Variants in PCDH9 observed in about 807,000 individuals in gnomAD.
PCDH9 encodes protocadherin 9.
A neutral mutation model predicts 70.6 loss-of-function variants in PCDH9; 24 were observed. The ratio of observed to expected loss-of-function variants is 0.34; its 90% CI spans 0.25 to 0.48. The LOEUF (loss-of-function observed/expected upper bound fraction) is 0.48. PCDH9 is among the 20% of genes least tolerant of loss of function. The pLI is 0.99. For synonymous variants in PCDH9, 562 were observed against 558.5 expected, an observed-to-expected ratio of 1.01 and a Z score of -0.09; for missense variants, 1,281 against 1,503.6, an observed-to-expected ratio of 0.85 and a Z score of 2.45.
intron 3 of PCDH9, among the ~76,000 whole-genome samples, chr13:66,662,984 A>G (rs1351130458): frequency 6.6e-6 from 1 of 152,220 alleles, no homozygotes; most frequent in Non-Finnish European, 1.5e-5. Context: ...AACAGTGTAT[A>G]TATGATGCTA....
chr13:66,631,512 T>C (rs1307020983), intron 3 of PCDH9, 101 bp from the exon 4 acceptor site: 1 of 683,162 alleles, frequency 1.5e-6, no homozygotes, highest in Non-Finnish European at 2.5e-6. Context: ...TAACACAATG[T>C]AAAAGCAAAA....
chr13:66,682,237 G>C (rs574935477), intron 3 of PCDH9, among the ~76,000 whole-genome samples: 1 of 151,664 alleles, frequency 6.6e-6, no homozygotes, highest in Non-Finnish European at 1.5e-5. Flanking sequence ...TTTATGTATT[G>C]TGGCCCTTTA....
At chr13:67,024,485 CATA>C (rs1350886426) in intron 2 of PCDH9, among the ~76,000 whole-genome samples, 2 of 152,118 alleles carry the variant, frequency 1.3e-5, no homozygotes, top group South Asian at 2.1e-4. Context: ...AAACTTATCA[CATA>C]ATAAATTATA....
intron 3 of PCDH9, among the ~76,000 whole-genome samples, chr13:66,724,320 T>A (rs926346396): frequency 1.3e-5 from 2 of 152,126 alleles, no homozygotes; most frequent in African/African-American, 4.8e-5. Context: ...ATGGAAAATA[T>A]GAAAAAGCAT....
At chr13:66,701,743 ATTTC>A (rs2078650743) in intron 3 of PCDH9, among the ~76,000 whole-genome samples, 1 of 151,976 alleles carries the variant, frequency 6.6e-6, no homozygotes, top group African/African-American at 2.4e-5. Context: ...GTTGAATTTT[ATTTC>A]TTTAATATTT....
chr13:66,557,538 A>T (rs1406177005), intron 4 of PCDH9, among the ~76,000 whole-genome samples: 1 of 152,226 alleles, frequency 6.6e-6, no homozygotes, highest in Admixed American at 6.5e-5. Context: ...CATCATGTAC[A>T]TAATTACATG....
chr13:67,178,317 C>T (rs894491087), intron 2 of PCDH9, among the ~76,000 whole-genome samples: 1 of 151,974 alleles, frequency 6.6e-6, no homozygotes. Context: ...AAATCATTTA[C>T]TTCTTTATGT....
intron 3 of PCDH9, among the ~76,000 whole-genome samples, chr13:66,829,791 C>A (rs1007594674): frequency 1.5e-5 from 2 of 137,466 alleles, no homozygotes; most frequent in Non-Finnish European, 3.1e-5. Context: ...TTCTAGAAAT[C>A]TGGGGTTCTA....
chr13:66,468,463 A>G (rs1958556867), intron 4 of PCDH9, among the ~76,000 whole-genome samples: 1 of 152,124 alleles, frequency 6.6e-6, no homozygotes, highest in Non-Finnish European at 1.5e-5. Context: ...TAGTAATGAA[A>G]CTGTTAGAAT....
At chr13:66,813,077 A>G (rs991358707) in intron 3 of PCDH9, among the ~76,000 whole-genome samples, 1 of 152,152 alleles carries the variant, frequency 6.6e-6, no homozygotes, top group African/African-American at 2.4e-5. Context: ...TCATTTTCCT[A>G]TTTCCTGACA....
chr13:66,404,182 TA>T (rs1566299809), intron 4 of PCDH9, among the ~76,000 whole-genome samples: 1 of 152,182 alleles, frequency 6.6e-6, no homozygotes, highest in Non-Finnish European at 1.5e-5. Context: ...TAGACATAAA[TA>T]GAGGCACTGC....
intron 3 of PCDH9, among the ~76,000 whole-genome samples, chr13:66,902,949 A>G (rs1488217506): frequency 1.3e-5 from 2 of 151,836 alleles, no homozygotes; most frequent in Non-Finnish European, 3.0e-5. Context: ...AATGTGGATG[A>G]ACTAACTTTT....
intron 4 of PCDH9, among the ~76,000 whole-genome samples, chr13:66,455,175 A>T (rs888368116): frequency 6.6e-6 from 1 of 151,878 alleles, no homozygotes; most frequent in Admixed American, 6.6e-5. Context: ...AACCTTTTTA[A>T]TATTTATTTA....
intron 4 of PCDH9, among the ~76,000 whole-genome samples, chr13:66,496,399 T>C (rs1174470998): frequency 2.0e-5 from 3 of 152,184 alleles, no homozygotes; most frequent in African/African-American, 7.2e-5. Flanking sequence ...TAAAGTTCCA[T>C]CCTTCCATTC....
At chr13:66,959,350 A>G (rs1202329019) in intron 2 of PCDH9, among the ~76,000 whole-genome samples, 1 of 152,216 alleles carries the variant, frequency 6.6e-6, no homozygotes, top group African/African-American at 2.4e-5. Context: ...GTATCTGTCA[A>G]TTGTAAATTA....
chr13:66,974,278 T>C (rs919296802), intron 2 of PCDH9, among the ~76,000 whole-genome samples: 6 of 152,012 alleles, frequency 3.9e-5, no homozygotes, highest in African/African-American at 1.4e-4. Context: ...TGGAAGCTCC[T>C]GAGGTAATGG....
In PCDH9 at chr13:66,562,117, C is replaced by T. The variant is rs563306155; in HGVS notation, c.3340+69093G>A. Among the ~76,000 whole-genome samples, 356 of 152,128 alleles carry T rather than the reference C, an allele frequency of 2.3e-3. 1 individual carries two copies. The highest frequency in any genetic ancestry group is 3.8e-3 in the Non-Finnish European group (259 of 68,026). On this transcript the variant is annotated intron_variant, in intron 4 of 4. Transcript: ENST00000377865. Reference sequence around the variant, plus strand: ...CTGTAACACTCACCGCAAGGGTCCACGGCTTCATTCTTGAAGTCAGTGAGA... The same window carrying T: ...CTGTAACACTCACCGCAAGGGTCCATGGCTTCATTCTTGAAGTCAGTGAGA...
chr13:66,537,214 T>G (rs1292895681), intron 4 of PCDH9, among the ~76,000 whole-genome samples: 1 of 152,064 alleles, frequency 6.6e-6, no homozygotes. Flanking sequence ...TGAGCACCCC[T>G]GAGTCTTCAG....
intron 3 of PCDH9, among the ~76,000 whole-genome samples, chr13:66,873,447 C>G (rs2081735830): frequency 6.6e-6 from 1 of 152,044 alleles, no homozygotes; most frequent in South Asian, 2.1e-4. Flanking sequence ...AATGCATTAC[C>G]AAGGACGAGA....
Sources: allele counts gnomAD v4.1 joint callset (sites outside exome capture counted in the v4.1 genomes callset), GRCh38; gene constraint gnomAD v4.1.1; transcripts MANE v1.5; gene names NCBI Gene and HGNC (gene_info 2026-07-23, HGNC 2026-07-21).